The following KCNIP4 variants were observed in gnomAD, a reference collection of about 807,000 sequenced individuals.
KCNIP4 encodes Kv channel-interacting protein 4.
KCNIP4 carries 12 observed loss-of-function variants against 34.0 expected under a neutral mutation model. The observed-to-expected ratio is 0.35, with a 90% CI of 0.23 to 0.57. The LOEUF (loss-of-function observed/expected upper bound fraction) is 0.57. Ranked by LOEUF, KCNIP4 falls within the 20% of genes least tolerant of loss-of-function variation. The pLI, the probability that KCNIP4 is intolerant of heterozygous loss-of-function variation, is 0.83. For missense variants in KCNIP4, 238 were observed against 311.7 expected (o/e 0.76, Z 1.78); for synonymous variants, 124 against 102.2 (o/e 1.21, Z -1.29).
At chr4:21,238,904 C>T (rs564962108) in intron 1 of KCNIP4, among the ~76,000 whole-genome samples, 1 of 152,232 alleles carries the variant, frequency 6.6e-6, no homozygotes, top group South Asian at 2.1e-4. Context: ...CAAAACAGAG[C>T]CCACATTGCT....
chr4:20,990,728 A>G (rs1737011682), intron 1 of KCNIP4, among the ~76,000 whole-genome samples: 1 of 152,196 alleles, frequency 6.6e-6, no homozygotes, highest in African/African-American at 2.4e-5. Flanking sequence ...TTTGTGGCCT[A>G]ACCTGAATGA....
At chr4:20,827,507 G>T (rs1021759862) in intron 3 of KCNIP4, among the ~76,000 whole-genome samples, 1 of 152,022 alleles carries the variant, frequency 6.6e-6, no homozygotes, top group South Asian at 2.1e-4. Context: ...ATGTCTCTTT[G>T]AAACCATTTT....
rs770568451 is a variant in KCNIP4 at position 21,866,762 on chromosome 4, A to ATTTTTTTT, written c.61+81801_61+81808dup. On this transcript the variant is annotated intron_variant, in intron 1 of 8. Transcript: ENST00000382152. ...AAGTGAATTCCATAGTTCAGCCTGG[A>ATTTTTTTT]TTTTTTTTTTTTTTTTTTTTTTTTT... 1.0e-3 allele frequency among the ~76,000 whole-genome samples: 84 copies of ATTTTTTTT among 82,716 alleles called. 1 individual carries two copies. The highest frequency in any genetic ancestry group is 1.7e-3 in the South Asian group (3 of 1,798). The allele number at this position is 82,716 out of a possible 152,430, so 54.3% of individuals were successfully genotyped here.
rs538196015 is a variant in KCNIP4, at chr4:21,722,991, A to C, written c.61+225580T>G. 6.6e-5 allele frequency among the ~76,000 whole-genome samples: 10 copies of C among 152,240 alleles called. 2 individuals are homozygous for C. Among genetic ancestry groups the C allele is most frequent in the African/African-American group, 2.4e-4 (10 of 41,556 alleles). On this transcript the variant is annotated intron_variant, in intron 1 of 8. Transcript: ENST00000382152. ...TTCAGACAAAAACAAACAAACAAAA[A>C]ACAGAAGTTCCATAAGGATTCTCAC...
At chr4:21,495,558 A>G (rs1479191281) in intron 1 of KCNIP4, among the ~76,000 whole-genome samples, 3 of 152,202 alleles carry the variant, frequency 2.0e-5, no homozygotes, top group South Asian at 2.1e-4. Flanking sequence ...ATTTTGTGGT[A>G]TGATGACCAC....
intron 1 of KCNIP4, among the ~76,000 whole-genome samples, chr4:21,552,047 A>C (rs1223925178): frequency 3.2e-5 from 4 of 124,376 alleles, no homozygotes; most frequent in East Asian, 6.4e-4. Context: ...TTAAAAAAAA[A>C]AAAAACAAAA....
At chr4:20,971,240 C>CT (rs1265997726) in intron 1 of KCNIP4, among the ~76,000 whole-genome samples, 2 of 152,230 alleles carry the variant, frequency 1.3e-5, no homozygotes, top group African/African-American at 4.8e-5. Context: ...GCCAGAGCCT[C>CT]TTTTTTTCTG....
intron 1 of KCNIP4, among the ~76,000 whole-genome samples, chr4:21,078,679 T>A (rs719618): frequency 0.51 from 77,287 of 151,740 alleles, 21,330 homozygotes; most frequent in African/African-American, 0.74. Context: ...AAATTTGGAG[T>A]TAACTAATTT....
intron 1 of KCNIP4, among the ~76,000 whole-genome samples, chr4:21,759,667 T>C (rs1717910660): frequency 6.6e-6 from 1 of 152,104 alleles, no homozygotes; most frequent in Admixed American, 6.6e-5. Flanking sequence ...TGGTATCAGC[T>C]TCTCAATTCC....
rs1746848615 is a variant in KCNIP4, at chr4:21,644,292, T to G, written c.61+304279A>C. 2.6e-5 allele frequency among the ~76,000 whole-genome samples: 4 copies of G among 152,204 alleles called. No individual in the cohort carries two copies. The South Asian group carries it at 8.3e-4, about 32-fold the overall frequency. On this transcript the variant is annotated intron_variant, in intron 1 of 8. Coordinates refer to ENST00000382152, the MANE Select transcript of KCNIP4 (RefSeq NM_025221.6). ...AATATTACTTTTGGAGGAAAAGGGT[T>G]GGAGAAATTCCAATAAGGTAAGCTT...
chr4:21,426,778 T>A (rs1027198823), intron 1 of KCNIP4, among the ~76,000 whole-genome samples: 1 of 151,980 alleles, frequency 6.6e-6, no homozygotes, highest in African/African-American at 2.4e-5. Flanking sequence ...AAAAAAAAAT[T>A]AGTTTTAAGG....
Position 21,057,436 on chromosome 4 carries a change from A to T in KCNIP4, c.62-174727T>A, listed in dbSNP as rs958876343. On this transcript the variant is annotated intron_variant, in intron 1 of 8. Transcript: ENST00000382152. ...GGAAACCTTTGTTAGCCTAAAATGT[A>T]GCTGTAATTTTTTTTCAAATAATTT... Among the ~76,000 whole-genome samples, 4 of 152,152 alleles carry T rather than the reference A, an allele frequency of 2.6e-5. No individual in the cohort carries two copies. The East Asian group carries it at 7.7e-4, about 29-fold the overall frequency.
At position 21,234,277 on chromosome 4, in the gene KCNIP4, T is replaced by C. The variant is rs867961553; in HGVS notation, c.62-351568A>G. The stretch of plus-strand genomic sequence containing the variant: ...TATATATAACATATATAACATATAT[T>C]ATATATAACATATATTATATATAAC... On this transcript the variant is annotated intron_variant, in intron 1 of 8. Coordinates refer to ENST00000382152, the MANE Select transcript of KCNIP4 (RefSeq NM_025221.6). Among the ~76,000 whole-genome samples the C allele has an allele frequency of 2.2e-4, 17 of 76,636 alleles. 2 individuals are homozygous for C. In the African/African-American group the frequency reaches 2.2e-3, roughly 10 times the overall value. The allele number at this position is 76,636 out of a possible 152,430, so 50.3% of individuals were successfully genotyped here. A position where few individuals can be genotyped will look rare whatever the true frequency, so the allele number is the denominator to read the frequency against.
intron 1 of KCNIP4, among the ~76,000 whole-genome samples, chr4:20,973,502 T>C (rs1735176323): frequency 6.6e-6 from 1 of 152,216 alleles, no homozygotes; most frequent in Non-Finnish European, 1.5e-5. Context: ...AATAAGGCTG[T>C]TTTGCTTTCT....
intron 3 of KCNIP4, among the ~76,000 whole-genome samples, chr4:20,812,259 A>G (rs1420575100): frequency 6.6e-6 from 1 of 152,136 alleles, no homozygotes; most frequent in Non-Finnish European, 1.5e-5. Context: ...GGGAAAGAAA[A>G]TCCAAAACCT....
At chr4:20,739,332 G>A (rs1330956790) in intron 5 of KCNIP4, among the ~76,000 whole-genome samples, 1 of 152,210 alleles carries the variant, frequency 6.6e-6, no homozygotes, top group African/African-American at 2.4e-5. Flanking sequence ...ACACCTCCTA[G>A]TAGGGGCAGA....
At chr4:20,808,203 A>G (rs1715310767) in intron 3 of KCNIP4, among the ~76,000 whole-genome samples, 1 of 152,202 alleles carries the variant, frequency 6.6e-6, no homozygotes, top group African/African-American at 2.4e-5. Flanking sequence ...TGAATTCATC[A>G]TACCCATTTC....
chr4:21,217,282 C>T (rs967475182), intron 1 of KCNIP4, among the ~76,000 whole-genome samples: 1 of 152,086 alleles, frequency 6.6e-6, no homozygotes, highest in African/African-American at 2.4e-5. Context: ...AGAGTTGCTA[C>T]CATTTATTGC....
chr4:21,826,169 G>A (rs1722667493), intron 1 of KCNIP4, among the ~76,000 whole-genome samples: 1 of 152,118 alleles, frequency 6.6e-6, no homozygotes, highest in Non-Finnish European at 1.5e-5. Context: ...GCCATGCAGA[G>A]CCATCTGGAT....
Sources: gnomAD v4.1 joint callset for allele counts (sites outside exome capture counted in the v4.1 genomes callset) on GRCh38, gnomAD v4.1.1 for gene constraint, MANE v1.5 for transcripts, NCBI Gene and HGNC (gene_info 2026-07-23, HGNC 2026-07-21) for gene names.